The following ATG10 variants were observed in gnomAD, a reference collection of about 807,000 sequenced individuals.
The protein encoded by ATG10 is autophagy related 10, also known as ubiquitin-like-conjugating enzyme ATG10.
A neutral mutation model predicts 32.1 loss-of-function variants in ATG10; 30 were observed. The ratio of observed to expected loss-of-function variants is 0.94; its 90% confidence interval spans 0.70 to 1.27. The LOEUF (loss-of-function observed/expected upper bound fraction) is 1.27, where lower values mean the gene tolerates loss of function less well. Ranked by LOEUF, ATG10 falls within the 50% of genes most tolerant of loss-of-function variation. ATG10 has a pLI of 0.00. For synonymous variants in ATG10, 87 were observed against 91.5 expected, an observed-to-expected ratio of 0.95 and a Z score of 0.28; for missense variants, 233 against 262.3, an observed-to-expected ratio of 0.89 and a Z score of 0.77.
chr5:82,183,483 TC>T (rs1320643728), intron 5 of ATG10, among the ~76,000 whole-genome samples: 4 of 152,164 alleles, frequency 2.6e-5, no homozygotes, highest in Non-Finnish European at 4.4e-5. Flanking sequence ...TGAGGCTTGA[TC>T]AAATTCAGGC....
At chr5:82,011,869 T>A (rs1581596376) in intron 2 of ATG10, among the ~76,000 whole-genome samples, 1 of 152,184 alleles carries the variant, frequency 6.6e-6, no homozygotes, top group African/African-American at 2.4e-5. Context: ...GCTGCCAGGG[T>A]TGTGTGTAGT....
intron 3 of ATG10, among the ~76,000 whole-genome samples, chr5:82,065,410 A>G (rs1362413905): frequency 6.6e-6 from 1 of 151,738 alleles, no homozygotes; most frequent in Admixed American, 6.6e-5. Flanking sequence ...TGAACCCAGG[A>G]GGCGGAGGTT....
chr5:82,138,647 G>T (rs1227626527), intron 3 of ATG10, among the ~76,000 whole-genome samples: 4 of 152,160 alleles, frequency 2.6e-5, no homozygotes, highest in African/African-American at 7.2e-5. Context: ...GGGAGCAGCA[G>T]ACTGGAGCTG....
intron 5 of ATG10, among the ~76,000 whole-genome samples, chr5:82,191,801 C>A (rs1177887560): frequency 6.6e-6 from 1 of 152,220 alleles, no homozygotes; most frequent in Non-Finnish European, 1.5e-5. Context: ...CCCAGACACA[C>A]AAACTATTGC....
intron 3 of ATG10, among the ~76,000 whole-genome samples, chr5:82,115,333 G>A (rs1249408850): frequency 6.6e-6 from 1 of 152,070 alleles, no homozygotes; most frequent in Non-Finnish European, 1.5e-5. Flanking sequence ...TTCAGATGAA[G>A]TTACATGATA....
chr5:82,048,196 T>C (rs980600619), intron 2 of ATG10, among the ~76,000 whole-genome samples: 3 of 134,528 alleles, frequency 2.2e-5, no homozygotes, highest in Non-Finnish European at 3.1e-5. Flanking sequence ...GACTTGGCGA[T>C]GCGGGCTCTT....
intron 5 of ATG10, among the ~76,000 whole-genome samples, chr5:82,201,058 C>T (rs907733646): frequency 4.0e-5 from 6 of 151,606 alleles, no homozygotes; most frequent in African/African-American, 1.5e-4. Context: ...CTAATTTTTG[C>T]ATCTTTAGTA....
chr5:82,003,091 T>G (rs1761894085), intron 2 of ATG10, among the ~76,000 whole-genome samples: 1 of 152,234 alleles, frequency 6.6e-6, no homozygotes, highest in African/African-American at 2.4e-5. Context: ...ACTCTCAATA[T>G]CTTATGCTTT....
chr5:81,984,227 C>T (rs1403707167), intron 1 of ATG10, among the ~76,000 whole-genome samples: 2 of 152,272 alleles, frequency 1.3e-5, no homozygotes. Context: ...GAGCTGGAGA[C>T]CAGCCCGGCC....
intron 2 of ATG10, among the ~76,000 whole-genome samples, chr5:81,995,276 A>G (rs1761626752): frequency 6.6e-6 from 1 of 152,078 alleles, no homozygotes; most frequent in South Asian, 2.1e-4. Flanking sequence ...GACTACAGGC[A>G]TGCACCACCA....
At chr5:82,105,695 C>T (rs188423897) in intron 3 of ATG10, among the ~76,000 whole-genome samples, 146 of 152,222 alleles carry the variant, frequency 9.6e-4, no homozygotes, top group Non-Finnish European at 1.6e-3. Context: ...TCCTTTGTGC[C>T]TGGCTGCCAT....
chr5:81,988,613 G>A (rs2149668600), intron 2 of ATG10, among the ~76,000 whole-genome samples: 1 of 151,494 alleles, frequency 6.6e-6, no homozygotes, highest in Non-Finnish European at 1.5e-5. Context: ...TTTGTATTTT[G>A]AGTAGAGACG....
intron 3 of ATG10, among the ~76,000 whole-genome samples, chr5:82,154,945 T>A (rs1767749242): frequency 6.6e-6 from 1 of 152,236 alleles, no homozygotes; most frequent in African/African-American, 2.4e-5. Context: ...ATGCTGTTTC[T>A]TGTGCATGTG....
chr5:82,035,740 T>C (rs1198601737), intron 2 of ATG10, among the ~76,000 whole-genome samples: 1 of 148,218 alleles, frequency 6.7e-6, no homozygotes, highest in Non-Finnish European at 1.5e-5. Flanking sequence ...ATAACATATA[T>C]GATTATATAT....
chr5:81,975,554 C>T (rs959718528), intron 1 of ATG10, among the ~76,000 whole-genome samples: 33 of 151,954 alleles, frequency 2.2e-4, no homozygotes, highest in Non-Finnish European at 2.1e-4. Flanking sequence ...TGGTGGTGCA[C>T]ACATGTGGTC....
intron 3 of ATG10, among the ~76,000 whole-genome samples, chr5:82,100,776 T>A (rs1581690485): frequency 1.2e-5 from 1 of 85,430 alleles, no homozygotes; most frequent in Non-Finnish European, 2.5e-5. Flanking sequence ...GAACTAGTTT[T>A]TTTTTTTTTT....
intron 2 of ATG10, among the ~76,000 whole-genome samples, chr5:82,050,895 T>C (rs1013053344): frequency 1.4e-5 from 2 of 142,834 alleles, no homozygotes; most frequent in Non-Finnish European, 3.0e-5. Context: ...AGTGTAGTCC[T>C]AGTTACTTAA....
At chr5:82,159,545 T>C (rs1743222389) in intron 3 of ATG10, among the ~76,000 whole-genome samples, 1 of 152,088 alleles carries the variant, frequency 6.6e-6, no homozygotes, top group Non-Finnish European at 1.5e-5. Flanking sequence ...TATCAGAAAC[T>C]TTTTTATCTT....
At chr5:82,052,738 TATA>T (rs1763470955) in intron 2 of ATG10, among the ~76,000 whole-genome samples, 1 of 152,172 alleles carries the variant, frequency 6.6e-6, no homozygotes, top group Non-Finnish European at 1.5e-5. Flanking sequence ...GTAGCATGCA[TATA>T]TTCATACTGT....
Sources: gnomAD v4.1 joint callset for allele counts (sites outside exome capture counted in the v4.1 genomes callset) on GRCh38, gnomAD v4.1.1 for gene constraint, MANE v1.5 for transcripts, NCBI Gene and HGNC (gene_info 2026-07-23, HGNC 2026-07-21) for gene names.